The following P4HA1 variants were observed in gnomAD, a reference collection of about 807,000 sequenced individuals.
The protein encoded by P4HA1 is prolyl 4-hydroxylase subunit alpha 1.
Under a neutral mutation model 72.8 loss-of-function variants are expected in P4HA1, and 24 were observed. The ratio of observed to expected loss-of-function variants is 0.33; its 90% CI spans 0.24 to 0.46. The LOEUF (loss-of-function observed/expected upper bound fraction) is 0.46. P4HA1 is among the 20% of genes least tolerant of loss of function. The pLI is 1.00. For missense variants in P4HA1, 446 were observed against 640.6 expected (o/e 0.70, Z 3.28); for synonymous variants, 201 against 218.8 (o/e 0.92, Z 0.72).
chr10:73,033,098 T>C (rs1840477865), intron 9 of P4HA1, among the ~76,000 whole-genome samples: 1 of 152,228 alleles, frequency 6.6e-6, no homozygotes, highest in Non-Finnish European at 1.5e-5. Flanking sequence ...GTAGAACTAA[T>C]CTGGTATATG....
intron 10 of P4HA1, among the ~76,000 whole-genome samples, chr10:73,028,307 A>AACAAACACAC (rs1840340364): frequency 7.0e-6 from 1 of 143,672 alleles, no homozygotes; most frequent in African/African-American, 2.6e-5. Flanking sequence ...GTCACTGTAA[A>AACAAACACAC]ACACACACAC....
At chr10:73,008,874 G>T (rs1396902038) in intron 14 of P4HA1, among the ~76,000 whole-genome samples, 1 of 151,498 alleles carries the variant, frequency 6.6e-6, no homozygotes, top group African/African-American at 2.4e-5. Flanking sequence ...AATATCTAAA[G>T]CAGGAACCTT....
chr10:73,083,390 A>G (rs1275259733), intron 1 of P4HA1, among the ~76,000 whole-genome samples: 4 of 152,218 alleles, frequency 2.6e-5, no homozygotes, highest in African/African-American at 9.6e-5. Context: ...TGTACTGAGC[A>G]GTATTGTAGC....
chr10:73,051,865 G>A (rs1330017798), intron 6 of P4HA1, among the ~76,000 whole-genome samples: 1 of 152,152 alleles, frequency 6.6e-6, no homozygotes, highest in Admixed American at 6.5e-5. Context: ...AGTTCAATTT[G>A]ATGTCAAATG....
intron 5 of P4HA1, among the ~76,000 whole-genome samples, chr10:73,064,908 G>C (rs1589614327): frequency 6.6e-6 from 1 of 152,046 alleles, no homozygotes; most frequent in South Asian, 2.1e-4. Flanking sequence ...CCGTTAAACT[G>C]AGAGAGACAC....
chr10:73,095,739 G>A (rs1189524621), intron 1 of P4HA1, among the ~76,000 whole-genome samples: 1 of 152,144 alleles, frequency 6.6e-6, no homozygotes, highest in African/African-American at 2.4e-5. Flanking sequence ...GGATCTAGCT[G>A]CTTCTTCAAC....
At chr10:73,073,861 TC>T in intron 2 of P4HA1, 34 bp from the exon 3 acceptor site, 2 of 922,258 alleles carry the variant, frequency 2.2e-6, no homozygotes, top group Non-Finnish European at 3.6e-6. Flanking sequence ...AATACTCATA[TC>T]CTTCAACACA....
intron 5 of P4HA1, among the ~76,000 whole-genome samples, chr10:73,063,302 G>C (rs760433952): frequency 2.0e-5 from 3 of 152,194 alleles, no homozygotes; most frequent in Non-Finnish European, 2.9e-5. Flanking sequence ...CTCCAGAGGG[G>C]AAGAATGCTA....
intron 1 of P4HA1, among the ~76,000 whole-genome samples, chr10:73,091,287 G>A (rs940146675): frequency 6.6e-6 from 1 of 151,928 alleles, no homozygotes; most frequent in African/African-American, 2.4e-5. Flanking sequence ...TCAACCAGTA[G>A]GTTTTAGAAA....
Position 73,048,345 on chromosome 10 carries a change from C to T in P4HA1, c.901-1244G>A, listed in dbSNP as rs141190144. On this transcript the variant is annotated intron_variant, in intron 7 of 14. Transcript: ENST00000394890. ...ATGCCTTGATCTCGGCTCACTGCAG[C>T]CTCTGCCTCCTGGGTTCAAGCAATT... 7.4e-3 allele frequency among the ~76,000 whole-genome samples: 1,133 copies of T among 152,264 alleles called. 12 individuals are homozygous for T. Among genetic ancestry groups the T allele is most frequent in the African/African-American group, 0.024 (1,000 of 41,542 alleles).
intron 5 of P4HA1, among the ~76,000 whole-genome samples, 198 bp from the exon 6 acceptor site, chr10:73,053,788 G>A (rs1167414242): frequency 6.6e-6 from 1 of 152,016 alleles, no homozygotes; most frequent in Non-Finnish European, 1.5e-5. Flanking sequence ...TCACACAGCT[G>A]GTATTAGGGG....
intron 1 of P4HA1, among the ~76,000 whole-genome samples, chr10:73,084,350 T>C (rs1319168245): frequency 3.3e-5 from 5 of 152,178 alleles, no homozygotes; most frequent in Admixed American, 6.5e-5. Context: ...TGGAGTGCAG[T>C]GGAGCAATCA....
intron 9 of P4HA1, among the ~76,000 whole-genome samples, chr10:73,040,623 G>A (rs1258342094): frequency 2.0e-5 from 3 of 151,692 alleles, no homozygotes; most frequent in Non-Finnish European, 4.4e-5. Context: ...TTACAGGCGC[G>A]CCACCACACC....
intron 14 of P4HA1, 104 bp downstream of exon 14, chr10:73,009,703 C>A: frequency 1.6e-6 from 1 of 613,930 alleles, no homozygotes; most frequent in South Asian, 2.2e-5. Flanking sequence ...ATGTTAAAAT[C>A]ATATTAAGCA....
chr10:73,071,142 T>C (rs1391556771), intron 4 of P4HA1, among the ~76,000 whole-genome samples: 1 of 150,502 alleles, frequency 6.6e-6, no homozygotes, highest in Non-Finnish European at 1.5e-5. Flanking sequence ...GCCACCATTG[T>C]GCCACTGTAC....
At chr10:73,093,867 A>ATAAT (rs1842093305) in intron 1 of P4HA1, among the ~76,000 whole-genome samples, 1 of 66,472 alleles carries the variant, frequency 1.5e-5, no homozygotes, top group African/African-American at 7.0e-5. Context: ...AAAAAAAAAA[A>ATAAT]AAAAAAATAT....
At chr10:73,072,451 T>A (rs1220394790) in intron 3 of P4HA1, among the ~76,000 whole-genome samples, 10 of 152,210 alleles carry the variant, frequency 6.6e-5, no homozygotes, top group Non-Finnish European at 1.2e-4. Context: ...AAGTTGTGAA[T>A]GAATCCCTCC....
chr10:73,029,026 C>T (rs761597458), intron 10 of P4HA1, among the ~76,000 whole-genome samples: 22 of 151,630 alleles, frequency 1.5e-4, no homozygotes, highest in Non-Finnish European at 2.6e-4. Context: ...GTGAGACTGT[C>T]TCAAAAAGAA....
chr10:73,037,558 TATATA>T (rs1840618356), intron 9 of P4HA1, among the ~76,000 whole-genome samples: 53 of 37,232 alleles, frequency 1.4e-3, no homozygotes, highest in African/African-American at 5.3e-3. Flanking sequence ...TATATATATA[TATATA>T]TATATATATT....
Sources: gnomAD v4.1 joint callset for allele counts (sites outside exome capture counted in the v4.1 genomes callset) on GRCh38, gnomAD v4.1.1 for gene constraint, MANE v1.5 for transcripts, NCBI Gene and HGNC (gene_info 2026-07-23, HGNC 2026-07-21) for gene names.